The following SP110 variants were observed in gnomAD, a reference collection of about 807,000 sequenced individuals.
SP110 encodes the protein interferon-induced protein 41, 30kD.
Under a neutral mutation model 92.7 loss-of-function variants are expected in SP110, and 62 were observed. That is an observed-to-expected ratio of 0.67 (90% CI 0.55 to 0.83). The LOEUF (loss-of-function observed/expected upper bound fraction) is 0.83, where lower values mean the gene tolerates loss of function less well. SP110 is among the 40% of genes least tolerant of loss of function. The probability of loss-of-function intolerance (pLI) is 0.00; values close to 1 mark genes in which losing one functional copy is unlikely to be tolerated. For synonymous variants in SP110, 273 were observed against 305.3 expected (o/e 0.89, Z 1.10); for missense variants, 793 against 863.9 (o/e 0.92, Z 1.03).
At chr2:230,171,813 C>G (rs777519360) in intron 16 of SP110, 46 bp from the exon 17 acceptor site, 1 of 1,429,548 alleles carries the variant, frequency 7.0e-7, no homozygotes. Context: ...AGCTTAGAAA[C>G]AGTGAAGCCA....
At chr2:230,206,595 T>TTATATATATATATATATATATATATA (rs56817002) in intron 8 of SP110, among the ~76,000 whole-genome samples, 3 of 70,526 alleles carry the variant, frequency 4.3e-5, no homozygotes, top group Non-Finnish European at 5.7e-5. Context: ...GGTCCAGATT[T>TTATATATATATATATATATATATATA]TATATATATA....
chr2:230,183,681 G>T, intron 11 of SP110, 41 bp from the exon 12 acceptor site: 2 of 1,208,004 alleles, frequency 1.7e-6, no homozygotes, highest in Non-Finnish European at 2.5e-6. Flanking sequence ...TACAAACATA[G>T]ATTTATAAGC....
chr2:230,170,681 C>T lies in SP110; in HGVS notation c.1968G>A (p.Thr656=), dbSNP rs149050898. Residue 656 remains threonine, a synonymous_variant, in exon 18 of 19, where the codon ACG becomes ACA. Coordinates refer to ENST00000258381, the MANE Select transcript of SP110 (RefSeq NM_080424.4). Reference sequence around the variant, plus strand: ...GCATGTCTCGCACAAACCATGCCACCGTGTACATTTCCGTAATCAGCCTTT... The same window carrying T: ...GCATGTCTCGCACAAACCATGCCACTGTGTACATTTCCGTAATCAGCCTTT... ...VKERLITEMY[T]VAWFVRDMRL... 200 of 1,614,094 alleles carry T rather than the reference C, an allele frequency of 1.2e-4. No individual in the cohort carries two copies. The highest frequency in any genetic ancestry group is 2.0e-4 in the East Asian group (9 of 44,874).
At chr2:230,206,785 C>G (rs1213940220) in intron 8 of SP110, among the ~76,000 whole-genome samples, 1 of 151,466 alleles carries the variant, frequency 6.6e-6, no homozygotes, top group Non-Finnish European at 1.5e-5. Context: ...TTTCACTTCC[C>G]CAGAAACATT....
chr2:230,206,763 G>T (rs2043907738), intron 8 of SP110, among the ~76,000 whole-genome samples: 2 of 150,952 alleles, frequency 1.3e-5, no homozygotes. Context: ...TATAAATATA[G>T]GAAATACTTG....
chr2:230,189,113 G>A (rs916208784), intron 10 of SP110, among the ~76,000 whole-genome samples: 10 of 151,796 alleles, frequency 6.6e-5, no homozygotes, highest in South Asian at 6.2e-4. Flanking sequence ...TGGTTACTCT[G>A]GCTAATGTTC....
rs1005666794 is a variant in SP110, at chr2:230,204,605, A to AT, written c.899-1878dup. On this transcript the variant is annotated intron_variant, in intron 8 of 18. Coordinates refer to ENST00000258381, the MANE Select transcript of SP110 (RefSeq NM_080424.4). ...GGTTACAGAAAGTATGGTTTCTTTC[A>AT]TTTTTTTTTCATTAAAAAAAAATTA... Among the ~76,000 whole-genome samples the AT allele has an allele frequency of 3.6e-4, 54 of 150,290 alleles. 1 individual carries two copies. Among genetic ancestry groups the AT allele is most frequent in the Middle Eastern group, 3.4e-3 (1 of 292 alleles).
chr2:230,206,620 T>C (rs1416117483), intron 8 of SP110, among the ~76,000 whole-genome samples: 1 of 100,024 alleles, frequency 1.0e-5, no homozygotes, highest in Non-Finnish European at 2.2e-5. Context: ...TATATATATA[T>C]ATATATATAT....
chr2:230,185,924 A>T (rs1468278197), intron 11 of SP110, 70 bp downstream of exon 11: 1 of 1,320,710 alleles, frequency 7.6e-7, no homozygotes, highest in Non-Finnish European at 1.1e-6. Context: ...TATCTATCTG[A>T]CCCTGTACTG....
chr2:230,217,075 G>C, intron 1 of SP110, 147 bp from the exon 2 acceptor site: 1 of 630,368 alleles, frequency 1.6e-6, no homozygotes. Flanking sequence ...GTGAAACTCT[G>C]TCTCTACTAA....
At chr2:230,221,902 G>T (rs931632027), upstream of SP110, 5 of 637,762 alleles carry the variant, frequency 7.8e-6, no homozygotes, top group Middle Eastern at 2.5e-4. Flanking sequence ...AGACAGCTGC[G>T]AATGAGGATG....
At chr2:230,200,482 A>G in intron 10 of SP110, 2 of 197,928 alleles carry the variant, frequency 1.0e-5, no homozygotes, top group Non-Finnish European at 1.0e-5. Flanking sequence ...AGAAATATGG[A>G]GATTGGAATT....
chr2:230,210,115 G>C (rs901982108), intron 6 of SP110, 107 bp from the exon 7 acceptor site: 7 of 789,890 alleles, frequency 8.9e-6, no homozygotes, highest in Non-Finnish European at 1.6e-5. Context: ...TGCAGCCCAG[G>C]GCCGGGAATC....
At chr2:230,183,045 A>C (rs943666124) in intron 12 of SP110, among the ~76,000 whole-genome samples, 1 of 152,184 alleles carries the variant, frequency 6.6e-6, no homozygotes, top group African/African-American at 2.4e-5. Context: ...GGCGCCTAAA[A>C]AAGGAAGAGA....
At chr2:230,204,022 A>G (rs2043482585) in intron 8 of SP110, among the ~76,000 whole-genome samples, 1 of 152,238 alleles carries the variant, frequency 6.6e-6, no homozygotes, top group South Asian at 2.1e-4. Flanking sequence ...TACCCAGGTA[A>G]AAAATTGGAA....
At chr2:230,217,033 G>T in intron 1 of SP110, 105 bp from the exon 2 acceptor site, 1 of 855,284 alleles carries the variant, frequency 1.2e-6, no homozygotes, top group South Asian at 1.5e-5. Flanking sequence ...ATCACCTGAG[G>T]TCAAGAGATT....
At chr2:230,217,779 C>A (rs565572304) in intron 1 of SP110, among the ~76,000 whole-genome samples, 5 of 152,308 alleles carry the variant, frequency 3.3e-5, no homozygotes, top group African/African-American at 1.2e-4. Context: ...AACAAGATGA[C>A]CTGGGCTACG....
chr2:230,181,432 TTAAGA>T (rs1470083116), intron 12 of SP110, among the ~76,000 whole-genome samples: 7 of 152,246 alleles, frequency 4.6e-5, no homozygotes, highest in Admixed American at 2.6e-4. Context: ...TTCATCACAG[TTAAGA>T]TAAGTGCCAT....
At chr2:230,192,280 G>A (rs2042670256) in intron 10 of SP110, among the ~76,000 whole-genome samples, 1 of 152,142 alleles carries the variant, frequency 6.6e-6, no homozygotes, top group African/African-American at 2.4e-5. Context: ...AGAAGTTCTG[G>A]CCAGCACAAT....
Sources: gnomAD v4.1 joint callset for allele counts (sites outside exome capture counted in the v4.1 genomes callset) on GRCh38, gnomAD v4.1.1 for gene constraint, MANE v1.5 for transcripts, NCBI Gene and HGNC (gene_info 2026-07-23, HGNC 2026-07-21) for gene names.